Variants in CEACAM16 observed in about 807,000 individuals in gnomAD.
CEACAM16 encodes the protein CEA cell adhesion molecule 16, tectorial membrane component.
In CEACAM16, 30 loss-of-function variants were observed where a neutral mutation model predicts 39.4. That is an observed-to-expected ratio of 0.76 (90% CI 0.57 to 1.03). CEACAM16 has a LOEUF of 1.03. CEACAM16 is among the 50% of genes least tolerant of loss of function. CEACAM16 has a pLI of 0.00. For missense variants in CEACAM16, 521 were observed against 585.3 expected, an observed-to-expected ratio of 0.89 and a Z score of 1.13; for synonymous variants, 262 against 264.9, an observed-to-expected ratio of 0.99 and a Z score of 0.11.
chr19:44,703,897 C>T, intron 3 of CEACAM16, 121 bp from the exon 4 acceptor site: 1 of 1,228,260 alleles, frequency 8.1e-7, no homozygotes, highest in Non-Finnish European at 1.1e-6. Flanking sequence ...CATTCTTTGT[C>T]CCTCCGGCTG....
Position 44,699,154 on chromosome 19 carries a change from C to T in CEACAM16, c.-203C>T. ...ATTTCATCCGTCTTGTGCACGGCTGCATCCTCAGCGCCTAGAACAGCACCT... is the reference window on the plus strand; with the variant it reads ...ATTTCATCCGTCTTGTGCACGGCTGTATCCTCAGCGCCTAGAACAGCACCT... On this transcript the variant is annotated 5_prime_UTR_variant, in exon 1 of 7. Transcript: ENST00000587331. The T allele has an allele frequency of 2.0e-6, 1 of 499,068 alleles. No individual in the cohort carries two copies. The highest frequency in any genetic ancestry group is 2.2e-5 in the Admixed American group (1 of 44,890). 30.9% of individuals were successfully genotyped at this position (499,068 alleles called of 1,614,324 possible). A position where few individuals can be genotyped will look rare whatever the true frequency, so the allele number is the denominator to read the frequency against.
chr19:44,706,450 C>T (rs756481944), intron 5 of CEACAM16, among the ~76,000 whole-genome samples: 2 of 152,124 alleles, frequency 1.3e-5, no homozygotes, highest in African/African-American at 4.8e-5. Context: ...GATCCTCAGG[C>T]GACATTTTCT....
intron 6 of CEACAM16, 140 bp from the exon 7 acceptor site, chr19:44,710,356 G>A: frequency 2.4e-6 from 2 of 847,886 alleles, no homozygotes; most frequent in South Asian, 3.6e-5. Context: ...CCTGAACCTG[G>A]CACAGGCTGA....
rs751154314 is a variant in CEACAM16, at chr19:44,710,546, G to C, written c.*40G>C. On this transcript the variant is annotated 3_prime_UTR_variant, in exon 7 of 7. Coordinates refer to ENST00000587331, the MANE Select transcript of CEACAM16 (RefSeq NM_001039213.4). ...AGACGTCCAGAGAGAAGAGCTCTTC[G>C]CACCATCCTCTGGTCCTCGCCCTCT... is the stretch of plus-strand genomic sequence containing the variant. The C allele has an allele frequency of 6.2e-7, 1 of 1,613,332 alleles. No homozygotes were observed. Among genetic ancestry groups the C allele is most frequent in the Admixed American group, 1.7e-5 (1 of 60,000 alleles).
At chr19:44,704,416 G>C (rs1395547761) in intron 4 of CEACAM16, 120 bp downstream of exon 4, 10 of 1,267,852 alleles carry the variant, frequency 7.9e-6, no homozygotes, top group Non-Finnish European at 1.1e-5. Context: ...TGGGATTGGG[G>C]ACCAGGGACC....
chr19:44,706,760 A>AG (rs1262097475), intron 5 of CEACAM16, among the ~76,000 whole-genome samples: 2 of 152,156 alleles, frequency 1.3e-5, no homozygotes, highest in African/African-American at 4.8e-5. Context: ...CAGTCCAAGA[A>AG]GGGGGGTGTC....
Position 44,701,276 on chromosome 19 carries a change from C to G in CEACAM16, c.-96-85C>G. 1.4e-6 allele frequency: 1 copy of G among 733,278 alleles called. No individual in the cohort carries two copies. The highest frequency in any genetic ancestry group is 1.6e-5 in the South Asian group (1 of 60,722). 45.4% of individuals were successfully genotyped at this position (733,278 alleles called of 1,614,324 possible). On this transcript the variant is annotated intron_variant, in intron 1 of 6. Transcript: ENST00000587331. The surrounding 1 kb of genome is among the most constrained non-coding windows in gnomAD (Gnocchi z 4.0). ...GTGCCCGCCACACCCACCCTGGTAC[C>G]CAAACCGGGCCCCAGATCCTTGGTG...
chr19:44,706,297 C>CACACACACACACACACACACAT (rs1441436923), intron 5 of CEACAM16, among the ~76,000 whole-genome samples: 130 of 125,178 alleles, frequency 1.0e-3, no homozygotes, highest in African/African-American at 1.3e-3. Context: ...CACACACACA[C>CACACACACACACACACACACAT]ACACACACAC....
rs1324134045 is a variant in CEACAM16, at chr19:44,701,630, C to T, written c.37+137C>T. ...GAGGGAGGGCAGCCCTGCTTCACAC[C>T]GGCAGTTTACCCCTCCAAGAGGCAT... On this transcript the variant is annotated intron_variant, in intron 2 of 6. Coordinates refer to ENST00000587331, the MANE Select transcript of CEACAM16 (RefSeq NM_001039213.4). The surrounding 1 kb of genome is among the most constrained non-coding windows in gnomAD (Gnocchi z 4.0). 26 of 845,034 alleles carry T rather than the reference C, an allele frequency of 3.1e-5. 1 individual carries two copies. Among genetic ancestry groups the T allele is most frequent in the East Asian group, 5.3e-5 (2 of 37,576 alleles). 52.3% of individuals were successfully genotyped at this position (845,034 alleles called of 1,614,324 possible). A position where few individuals can be genotyped will look rare whatever the true frequency, so the allele number is the denominator to read the frequency against.
At chr19:44,704,730 G>C (rs1310894614) in intron 4 of CEACAM16, among the ~76,000 whole-genome samples, 1 of 146,850 alleles carries the variant, frequency 6.8e-6, no homozygotes, top group Non-Finnish European at 1.5e-5. Context: ...AGAGCAAGAT[G>C]CTGTCTCAAA....
chr19:44,704,527 T>C (rs1974410375), intron 4 of CEACAM16, among the ~76,000 whole-genome samples: 1 of 152,054 alleles, frequency 6.6e-6, no homozygotes, highest in Admixed American at 6.6e-5. Flanking sequence ...ACCCAGAAGT[T>C]TGAGACCAGC....
At chr19:44,702,727 G>T (rs1470451074) in intron 2 of CEACAM16, among the ~76,000 whole-genome samples, 2 of 152,270 alleles carry the variant, frequency 1.3e-5, no homozygotes, top group African/African-American at 4.8e-5. Flanking sequence ...CAGGGGGCAG[G>T]CCCTGACATC....
intron 6 of CEACAM16, 24 bp from the exon 7 acceptor site, chr19:44,710,472 C>A (rs780961627): frequency 1.9e-6 from 3 of 1,609,002 alleles, no homozygotes; most frequent in East Asian, 2.2e-5. Flanking sequence ...CCTCCTTCGC[C>A]CCCTCGCCCC....
At chr19:44,703,974 AG>A (rs1974395967) in intron 3 of CEACAM16, 43 bp from the exon 4 acceptor site, 2 of 1,534,618 alleles carry the variant, frequency 1.3e-6, no homozygotes, top group South Asian at 2.5e-5. Context: ...CCCTCAGAGC[AG>A]GTGGTGTCCG....
chr19:44,703,816 G>A, intron 3 of CEACAM16, 123 bp downstream of exon 3: 1 of 1,053,354 alleles, frequency 9.5e-7, no homozygotes, highest in Non-Finnish European at 1.3e-6. Flanking sequence ...CAGGGAATAA[G>A]TTTCTAAAAT....
intron 4 of CEACAM16, 126 bp from the exon 5 acceptor site, chr19:44,705,464 T>C: frequency 3.2e-6 from 3 of 932,914 alleles, no homozygotes; most frequent in Non-Finnish European, 4.7e-6. Context: ...AGGCCAGAGC[T>C]TTTTTTCCCC....
rs561516925 is a variant in CEACAM16, at chr19:44,708,444, A to G, written c.1267+257A>G. On this transcript the variant is annotated intron_variant, in intron 6 of 6. Transcript: ENST00000587331. ...ATCAGACTGAGGGTTGCTAAAGGGG[A>G]CCCCCATGCCTTCTCTCTCAAATAA... 3.3e-5 allele frequency among the ~76,000 whole-genome samples: 5 copies of G among 152,032 alleles called. No individual in the cohort carries two copies. The East Asian group carries it at 9.7e-4, about 30-fold the overall frequency.
chr19:44,699,309 C>T (rs1413780477), intron 1 of CEACAM16, 49 bp downstream of exon 1: 1 of 533,262 alleles, frequency 1.9e-6, no homozygotes, highest in Non-Finnish European at 3.9e-6. Flanking sequence ...TTCAACAGCC[C>T]TGTGATGTGA....
rs1040346800 is a variant in CEACAM16, at chr19:44,704,172, G to A, written c.537G>A (p.Leu179=). The change falls in exon 4 of 7, where the codon CTG becomes CTA. Residue 179 remains leucine, a synonymous_variant. Coordinates refer to ENST00000587331, the MANE Select transcript of CEACAM16 (RefSeq NM_001039213.4). The part of the protein sequence containing the change: ...GALPVALRLG[L]SPDGRVLARH... ...TGCCCGTCGCTCTCCGCCTGGGCCT[G>A]TCCCCTGACGGCCGGGTGCTGGCCA... 13 of 1,580,414 alleles carry A rather than the reference G, an allele frequency of 8.2e-6. No homozygotes were observed. The African/African-American group carries it at 1.8e-4, about 21-fold the overall frequency.
Sources: allele counts gnomAD v4.1 joint callset (sites outside exome capture counted in the v4.1 genomes callset), GRCh38; gene constraint gnomAD v4.1.1; non-coding constraint Gnocchi (gnomAD v3.1); transcripts MANE v1.5; gene names NCBI Gene and HGNC (gene_info 2026-07-23, HGNC 2026-07-21).